Variants in USP43 observed in about 807,000 individuals in gnomAD.
The protein encoded by USP43 is ubiquitin specific peptidase 43, also known as ubiquitin carboxyl-terminal hydrolase 43.
A neutral mutation model predicts 90.7 loss-of-function variants in USP43; 33 were observed. The observed-to-expected ratio is 0.36, with a 90% CI of 0.28 to 0.49. The LOEUF is 0.49. Among genes scored for constraint, USP43 ranks in the 20% least tolerant of loss-of-function variants. The pLI is 0.98. For missense variants in USP43, 1,274 were observed against 1,476.4 expected, an observed-to-expected ratio of 0.86 and a Z score of 2.25; for synonymous variants, 598 against 615.8, an observed-to-expected ratio of 0.97 and a Z score of 0.43.
intron 2 of USP43, among the ~76,000 whole-genome samples, chr17:9,659,521 G>C (rs939993369): frequency 6.6e-6 from 1 of 152,160 alleles, no homozygotes; most frequent in Non-Finnish European, 1.5e-5. Context: ...TGGCGGGAGA[G>C]AGGAGACTTA....
intron 12 of USP43, among the ~76,000 whole-genome samples, chr17:9,706,565 C>T (rs1458953297): frequency 2.0e-5 from 3 of 151,332 alleles, no homozygotes; most frequent in South Asian, 2.1e-4. Context: ...CAATTTGTCC[C>T]GAGATCACTA....
At chr17:9,714,339 A>C (rs1597885824) in intron 14 of USP43, among the ~76,000 whole-genome samples, 1 of 152,130 alleles carries the variant, frequency 6.6e-6, no homozygotes, top group Non-Finnish European at 1.5e-5. Context: ...TCATCAGCAC[A>C]TGGATGGAAC....
intron 1 of USP43, among the ~76,000 whole-genome samples, chr17:9,650,736 C>T (rs1489934325): frequency 6.6e-6 from 1 of 152,124 alleles, no homozygotes; most frequent in Non-Finnish European, 1.5e-5. Context: ...GATCTATTCC[C>T]TTGGCAATTT....
chr17:9,724,636 C>T (rs1178442038), intron 14 of USP43, among the ~76,000 whole-genome samples: 2 of 152,208 alleles, frequency 1.3e-5, no homozygotes, highest in Non-Finnish European at 1.5e-5. Flanking sequence ...GCCGAGATCA[C>T]ACCACTGGAC....
chr17:9,714,733 C>T (rs976138136), intron 14 of USP43, among the ~76,000 whole-genome samples: 2 of 150,306 alleles, frequency 1.3e-5, no homozygotes, highest in African/African-American at 2.5e-5. Flanking sequence ...GGGGGCTCTC[C>T]AACATCTAAG....
Position 9,645,551 on chromosome 17 carries a change from T to C in USP43, c.-82T>C. On this transcript the variant is annotated 5_prime_UTR_variant, in exon 1 of 15. Coordinates refer to ENST00000285199, the MANE Select transcript of USP43 (RefSeq NM_153210.5). The surrounding 1 kb of genome is among the most constrained non-coding windows in gnomAD (Gnocchi z 6.8). ...CCGCAGGTAGCCGGCACCAGGAGCCTTAGAGAAGCTGTAGGGCCTGCTGGC... is the reference window on the plus strand; with the variant it reads ...CCGCAGGTAGCCGGCACCAGGAGCCCTAGAGAAGCTGTAGGGCCTGCTGGC... The C allele has an allele frequency of 8.8e-7, 1 of 1,138,254 alleles. No individual in the cohort carries two copies. Among genetic ancestry groups the C allele is most frequent in the Non-Finnish European group, 1.1e-6 (1 of 925,312 alleles). 70.5% of individuals were successfully genotyped at this position (1,138,254 alleles called of 1,614,324 possible).
chr17:9,717,360 AGTGTGTGTGTGT>A (rs56058514), intron 14 of USP43, among the ~76,000 whole-genome samples: 8 of 145,568 alleles, frequency 5.5e-5, no homozygotes, highest in African/African-American at 1.3e-4. Flanking sequence ...GCTTGGGCAC[AGTGTGTGTGTGT>A]GTGTGTGTGT....
chr17:9,717,726 C>T (rs1456525372), intron 14 of USP43, among the ~76,000 whole-genome samples: 3 of 151,984 alleles, frequency 2.0e-5, no homozygotes, highest in Admixed American at 2.0e-4. Context: ...TCCTGCCATT[C>T]ATGATCCTGA....
chr17:9,656,849 T>A (rs1030905069), intron 2 of USP43, among the ~76,000 whole-genome samples: 19 of 152,220 alleles, frequency 1.2e-4, no homozygotes, highest in Non-Finnish European at 2.5e-4. Flanking sequence ...TCCAAGGCCA[T>A]GAGTACCGTT....
At chr17:9,650,531 T>C (rs1042230405) in intron 1 of USP43, among the ~76,000 whole-genome samples, 95 of 152,172 alleles carry the variant, frequency 6.2e-4, no homozygotes, top group African/African-American at 2.0e-3. Context: ...GCCTCCCAAG[T>C]AGCTGGGATT....
At position 9,728,905 on chromosome 17, in the gene USP43, A is replaced by C; in HGVS notation, c.3287A>C (p.Gln1096Pro). Residue 1096 changes from glutamine (Q) to proline (P), a missense_variant, in exon 15 of 15, where the codon CAG (glutamine) becomes CCG (proline). Around this residue, in one of 6 missense-constraint regions of USP43, gnomAD observed 353 missense variants for 329.7 expected, o/e 1.07. Transcript: ENST00000285199. This position sits in a 1 kb window ranked among gnomAD's most constrained non-coding sequence, Gnocchi z 6.2. The stretch of plus-strand genomic sequence containing the variant: ...TCACAAAGGACTGTTCCAGGGGAGC[A>C]GGCTTCTTATGGCACCTTTCAGAGA... ...GMSQRTVPGE[Q>P]ASYGTFQRVK... 6.2e-7 allele frequency: 1 copy of C among 1,613,048 alleles called. No individual in the cohort carries two copies. Among genetic ancestry groups the C allele is most frequent in the Non-Finnish European group, 8.5e-7 (1 of 1,179,292 alleles).
At chr17:9,655,220 G>A (rs1015216338) in intron 1 of USP43, among the ~76,000 whole-genome samples, 12 of 152,060 alleles carry the variant, frequency 7.9e-5, no homozygotes, top group Admixed American at 6.5e-4. Flanking sequence ...TGTGTGGGAC[G>A]AGACTGGAGA....
intron 9 of USP43, among the ~76,000 whole-genome samples, chr17:9,696,630 G>C (rs573149743): frequency 4.3e-4 from 65 of 152,354 alleles, no homozygotes; most frequent in African/African-American, 1.5e-3. Flanking sequence ...CCATCTTTGT[G>C]TTTAAATGGT....
At chr17:9,683,399 A>G (rs1198451948) in intron 7 of USP43, among the ~76,000 whole-genome samples, 5 of 150,634 alleles carry the variant, frequency 3.3e-5, no homozygotes, top group Admixed American at 3.3e-4. Context: ...TATATAGCCC[A>G]AATAAAGTGT....
intron 12 of USP43, among the ~76,000 whole-genome samples, chr17:9,706,217 G>A (rs1055957121): frequency 6.6e-6 from 1 of 152,110 alleles, no homozygotes; most frequent in Non-Finnish European, 1.5e-5. Context: ...ATTTCTAGAT[G>A]CTCTAATTCT....
intron 6 of USP43, among the ~76,000 whole-genome samples, chr17:9,681,462 T>TATTTTA (rs1555550104): frequency 1.1e-4 from 2 of 18,578 alleles, no homozygotes; most frequent in African/African-American, 2.6e-4. Flanking sequence ...ATAAAATATA[T>TATTTTA]TATATATATA....
intron 2 of USP43, among the ~76,000 whole-genome samples, chr17:9,665,555 C>T (rs1912985967): frequency 6.6e-6 from 1 of 152,194 alleles, no homozygotes; most frequent in Non-Finnish European, 1.5e-5. Flanking sequence ...ATGATCCAAT[C>T]ACCTCCCACC....
rs1278353454 is a variant in USP43, at chr17:9,674,893, C to T, written c.743C>T (p.Ser248Phe). Residue 248 changes from serine (S) to phenylalanine (F), a missense_variant and splice_region_variant, in exon 4 of 15, where the codon TCT becomes TTT. Coordinates refer to ENST00000285199, the MANE Select transcript of USP43 (RefSeq NM_153210.5). This position sits in a 1 kb window ranked among gnomAD's most constrained non-coding sequence, Gnocchi z 4.4. ...GCCTCTGTTCTTCACCCTCACAGAT[C>T]TTCCTTGACTTGTCCCCACTGCCTG... ...VQSHFQAQYRSSLTCPHCLKQ... is the reference protein window; with the variant it reads ...VQSHFQAQYRFSLTCPHCLKQ... The T allele has an allele frequency of 1.2e-6, 2 of 1,613,780 alleles. No individual in the cohort carries two copies. Among genetic ancestry groups the T allele is most frequent in the African/African-American group, 2.7e-5 (2 of 74,938 alleles).
chr17:9,702,954 C>T (rs1915660927), intron 12 of USP43, among the ~76,000 whole-genome samples: 1 of 152,206 alleles, frequency 6.6e-6, no homozygotes, highest in Admixed American at 6.5e-5. Context: ...TTATGGGAGC[C>T]ACCAAAGCCG....
Sources: allele counts gnomAD v4.1 joint callset (sites outside exome capture counted in the v4.1 genomes callset), GRCh38; gene constraint gnomAD v4.1.1; regional missense constraint gnomAD v4.1.1; non-coding constraint Gnocchi (gnomAD v3.1); transcripts MANE v1.5; gene names NCBI Gene and HGNC (gene_info 2026-07-23, HGNC 2026-07-21).